The following CPZ variants were observed in gnomAD, a reference collection of about 807,000 sequenced individuals.
CPZ encodes the protein carboxypeptidase Z, also known as VEZT/CPZ fusion.
CPZ carries 103 observed loss-of-function variants against 61.8 expected under a neutral mutation model. The observed-to-expected ratio is 1.67, with a 90% confidence interval of 1.42 to 1.96. The LOEUF is 1.96. CPZ is among the 30% of genes most tolerant of loss of function. The probability of loss-of-function intolerance (pLI) is 0.00; values close to 1 mark genes in which losing one functional copy is unlikely to be tolerated. For synonymous variants in CPZ, 551 were observed against 373.7 expected, an observed-to-expected ratio of 1.47 and a Z score of -5.47; for missense variants, 1,461 against 914.9, an observed-to-expected ratio of 1.60 and a Z score of -7.70.
At chr4:8,613,174 C>G (rs1560301684) in intron 8 of CPZ, among the ~76,000 whole-genome samples, 1 of 151,440 alleles carries the variant, frequency 6.6e-6, no homozygotes, top group Non-Finnish European at 1.5e-5. Flanking sequence ...GCTCTGTCAC[C>G]AGGCTGGAGC....
Position 8,605,625 on chromosome 4 carries a change from T to G in CPZ, c.710-364T>G, listed in dbSNP as rs1001851797. 2.0e-3 allele frequency among the ~76,000 whole-genome samples: 214 copies of G among 108,872 alleles called. 1 individual carries two copies. The highest frequency in any genetic ancestry group is 0.01 in the African/African-American group (198 of 19,662). 71.4% of individuals were successfully genotyped at this position (108,872 alleles called of 152,430 possible). A position where few individuals can be genotyped will look rare whatever the true frequency, so the allele number is the denominator to read the frequency against. Reference sequence around the variant, plus strand: ...ATCCATCCATCCATCCATCCATCCATCATTGATATATCCATTCATCCACTC... The same window carrying G: ...ATCCATCCATCCATCCATCCATCCAGCATTGATATATCCATTCATCCACTC... On this transcript the variant is annotated intron_variant, in intron 4 of 10. Coordinates refer to ENST00000360986, the MANE Select transcript of CPZ (RefSeq NM_001014447.3).
intron 1 of CPZ, among the ~76,000 whole-genome samples, chr4:8,598,600 C>G (rs568868509): frequency 1.9e-4 from 29 of 152,386 alleles, no homozygotes; most frequent in African/African-American, 6.3e-4. Context: ...AGCCTGCCCC[C>G]TCTCTGGCCA....
Position 8,611,505 on chromosome 4 carries a change from C to A in CPZ, c.1228-522C>A, listed in dbSNP as rs1316563129. 2.6e-5 allele frequency among the ~76,000 whole-genome samples: 4 copies of A among 152,150 alleles called. 1 individual carries two copies. Among genetic ancestry groups the A allele is most frequent in the Non-Finnish European group, 5.9e-5 (4 of 68,022 alleles). On this transcript the variant is annotated intron_variant, in intron 7 of 10. Coordinates refer to ENST00000360986, the MANE Select transcript of CPZ (RefSeq NM_001014447.3). ...GGAGGGTGGGGTAGTCAGGGAGGGG[C>A]TTCCTGCAGGCTGAGTCCCAGCCTC...
intron 1 of CPZ, 28 bp downstream of exon 1, chr4:8,592,949 C>T: frequency 6.7e-7 from 1 of 1,481,544 alleles, no homozygotes; most frequent in Non-Finnish European, 9.1e-7. Flanking sequence ...CCCCACCCTC[C>T]ACCCTCCACC....
intron 3 of CPZ, chr4:8,603,119 T>G (rs1714695947): frequency 6.6e-6 from 1 of 152,224 alleles, no homozygotes; most frequent in Non-Finnish European, 1.5e-5. Flanking sequence ...GGAGAACCGT[T>G]TTGAGCAGAA....
At chr4:8,600,515 A>G (rs2109315908) in intron 2 of CPZ, among the ~76,000 whole-genome samples, 1 of 152,302 alleles carries the variant, frequency 6.6e-6, no homozygotes, top group African/African-American at 2.4e-5. Context: ...GGCCTTAAAG[A>G]TGGGGCTTTT....
At position 8,601,504 on chromosome 4, in the gene CPZ, GA is replaced by G; in HGVS notation, c.496+10del. ...CCGCTGGAGAAGCTTCGGGGTAAGG[GA>G]AAGTGGCGGGGGCCTGTGTGGTCAT... On this transcript the variant is annotated splice_region_variant and intron_variant, in intron 3 of 10. Transcript: ENST00000360986. The G allele has an allele frequency of 6.8e-7, 1 of 1,462,480 alleles. No individual in the cohort carries two copies. The highest frequency in any genetic ancestry group is 2.3e-5 in the Admixed American group (1 of 43,518). 90.6% of individuals were successfully genotyped at this position (1,462,480 alleles called of 1,614,324 possible). A position where few individuals can be genotyped will look rare whatever the true frequency, so the allele number is the denominator to read the frequency against.
chr4:8,607,235 G>A (rs1715110724), intron 6 of CPZ, 32 bp from the exon 7 acceptor site: 1 of 1,608,196 alleles, frequency 6.2e-7, no homozygotes, highest in Non-Finnish European at 8.5e-7. Context: ...GGAAAGCCCA[G>A]CCCTGAGGGC....
In CPZ at chr4:8,604,073, G is replaced by T; in HGVS notation, c.594G>T (p.Arg198Ser). The change falls in exon 4 of 11, where the codon AGG (arginine) becomes AGT (serine). Residue 198 changes from arginine (R) to serine (S), a missense_variant. Transcript: ENST00000360986. ...HSYAQMVRVL[R>S]RTASRCAHVA... is the part of the protein sequence containing the mutation. ...ACGCCCAGATGGTGCGTGTGCTGAG[G>T]CGGACGGCCTCCCGCTGCGCCCACG... The T allele has an allele frequency of 6.2e-7, 1 of 1,610,662 alleles. No individual in the cohort carries two copies. Among genetic ancestry groups the T allele is most frequent in the Non-Finnish European group, 8.5e-7 (1 of 1,179,330 alleles).
At chr4:8,609,370 CATTCACTCACTCTT>C (rs1358832893) in intron 7 of CPZ, among the ~76,000 whole-genome samples, 1 of 152,006 alleles carries the variant, frequency 6.6e-6, no homozygotes, top group African/African-American at 2.4e-5. Context: ...CTCACAAACT[CATTCACTCACTCTT>C]ATTCTTTCAC....
chr4:8,595,103 A>G (rs979889155), intron 1 of CPZ, among the ~76,000 whole-genome samples: 5 of 152,262 alleles, frequency 3.3e-5, no homozygotes, highest in Non-Finnish European at 5.9e-5. Context: ...CAATATGTCC[A>G]AAATATTCCA....
intron 6 of CPZ, 81 bp downstream of exon 6, chr4:8,606,979 C>G: frequency 6.8e-7 from 1 of 1,471,426 alleles, no homozygotes; most frequent in East Asian, 2.5e-5. Flanking sequence ...TGGAGTTGTC[C>G]TTCCCTGGGG....
intron 7 of CPZ, among the ~76,000 whole-genome samples, chr4:8,610,993 C>A (rs949054883): frequency 6.8e-6 from 1 of 147,888 alleles, no homozygotes; most frequent in African/African-American, 2.5e-5. Flanking sequence ...GTCACTCACT[C>A]TTTCACTCAT....
At chr4:8,613,323 G>C (rs1437555438) in intron 8 of CPZ, among the ~76,000 whole-genome samples, 1 of 152,116 alleles carries the variant, frequency 6.6e-6, no homozygotes, top group Non-Finnish European at 1.5e-5. Context: ...GTAGAGATGG[G>C]GTTTCACCAT....
Position 8,601,325 on chromosome 4 carries a change from G to C in CPZ, c.324G>C (p.Arg108=). 6.2e-7 allele frequency: 1 copy of C among 1,609,150 alleles called. No individual in the cohort carries two copies. Among genetic ancestry groups the C allele is most frequent in the Non-Finnish European group, 8.5e-7 (1 of 1,176,860 alleles). ...TGGGCTGTGCTGTGCTGGCCCCCCG[G>C]TGTGAGGGCGGCTGGGTGCGCAGAC... ...RLLGCAVLAP[R]CEGGWVRRPC... Residue 108 remains arginine (R), a synonymous_variant, in exon 3 of 11, where the codon CGG becomes CGC. Transcript: ENST00000360986.
At chr4:8,599,768 A>C in intron 2 of CPZ, 1 of 566,968 alleles carries the variant, frequency 1.8e-6, no homozygotes, top group Non-Finnish European at 2.8e-6. Context: ...CTGCAGTCAC[A>C]CGTCCTGCAT....
intron 3 of CPZ, chr4:8,602,577 G>A (rs1456561056): frequency 6.6e-6 from 1 of 152,372 alleles, no homozygotes; most frequent in Non-Finnish European, 1.5e-5. Flanking sequence ...TCTCACGACA[G>A]CCTTGCTCCA....
At chr4:8,611,953 C>G in intron 7 of CPZ, 74 bp from the exon 8 acceptor site, 1 of 1,607,080 alleles carries the variant, frequency 6.2e-7, no homozygotes. Context: ...CGCAGCTCCT[C>G]CCCTCATTGA....
rs769850715 is a variant in CPZ, at chr4:8,618,520, T to C, written c.1595T>C (p.Ile532Thr). Reference sequence around the variant, plus strand: ...TCAGTCAAAGGCATTCGCCACGACATCACCACAGGTGAGCACGTCCCTGGC... The same window carrying C: ...TCAGTCAAAGGCATTCGCCACGACACCACCACAGGTGAGCACGTCCCTGGC... ...RISVKGIRHD[I>T]TTAPDGDYWR... The change falls in exon 10 of 11, where the codon ATC becomes ACC. Residue 532 changes from isoleucine (I) to threonine (T), a missense_variant. By Grantham distance (89) the Ile-to-Thr change is moderately conservative. Transcript: ENST00000360986. 2.5e-6 allele frequency: 4 copies of C among 1,613,616 alleles called. No homozygotes were observed. In the Admixed American group the frequency reaches 5.0e-5, roughly 20 times the overall value.
Sources: allele counts gnomAD v4.1 joint callset (sites outside exome capture counted in the v4.1 genomes callset), GRCh38; gene constraint gnomAD v4.1.1; transcripts MANE v1.5; gene names NCBI Gene and HGNC (gene_info 2026-07-23, HGNC 2026-07-21).